The following CAPN5 variants were observed in gnomAD, a reference collection of about 807,000 sequenced individuals.
The protein encoded by CAPN5 is calpain-5.
CAPN5 carries 54 observed loss-of-function variants against 73.0 expected under a neutral mutation model. That is an observed-to-expected ratio of 0.74 (90% CI 0.59 to 0.93). CAPN5 has a LOEUF of 0.93. CAPN5 is among the 40% of genes least tolerant of loss of function. CAPN5 has a pLI of 0.00. For missense variants in CAPN5, 785 were observed against 882.9 expected (o/e 0.89, Z 1.41); for synonymous variants, 335 against 356.9 (o/e 0.94, Z 0.69).
chr11:77,069,552 G>A (rs1949880494), intron 1 of CAPN5, among the ~76,000 whole-genome samples: 1 of 152,150 alleles, frequency 6.6e-6, no homozygotes, highest in Non-Finnish European at 1.5e-5. Context: ...GCAGCCGGGA[G>A]CACCCTAGAG....
chr11:77,092,434 G>A (rs1950157280), intron 2 of CAPN5, among the ~76,000 whole-genome samples: 1 of 152,254 alleles, frequency 6.6e-6, no homozygotes, highest in African/African-American at 2.4e-5. Context: ...ACAGCAAGAA[G>A]AGGTGGAAAG....
At chr11:77,112,413 A>G (rs1950420411) in intron 3 of CAPN5, among the ~76,000 whole-genome samples, 176 bp from the exon 4 acceptor site, 1 of 152,092 alleles carries the variant, frequency 6.6e-6, no homozygotes, top group Non-Finnish European at 1.5e-5. Context: ...TGGGAACCTG[A>G]GCCTGGAGAT....
chr11:77,119,421 G>A (rs1389866006), intron 9 of CAPN5: 2 of 461,766 alleles, frequency 4.3e-6, no homozygotes, highest in Non-Finnish European at 7.9e-6. Flanking sequence ...GGTGGATGAG[G>A]AAGGGGAAGA....
At chr11:77,084,308 G>A (rs1950058547) in intron 1 of CAPN5, among the ~76,000 whole-genome samples, 1 of 152,228 alleles carries the variant, frequency 6.6e-6, no homozygotes. Flanking sequence ...CAGAATTAGA[G>A]ACGCCTATTC....
At chr11:77,093,858 G>A (rs370419841) in intron 3 of CAPN5, 45 bp downstream of exon 3, 56 of 1,592,410 alleles carry the variant, frequency 3.5e-5, no homozygotes, top group Middle Eastern at 1.8e-4. Context: ...GAGTGTGAAC[G>A]CAGCCTGTGG....
intron 3 of CAPN5, among the ~76,000 whole-genome samples, chr11:77,104,411 G>C (rs921709670): frequency 2.0e-5 from 3 of 152,208 alleles, no homozygotes; most frequent in Non-Finnish European, 2.9e-5. Context: ...GCAGCTGAGG[G>C]GGGCAGGGCG....
chr11:77,079,451 G>C (rs1950006115), intron 1 of CAPN5, among the ~76,000 whole-genome samples: 1 of 152,124 alleles, frequency 6.6e-6, no homozygotes, highest in Admixed American at 6.5e-5. Context: ...CCATAGGGTT[G>C]TGTGCAACAA....
chr11:77,121,576 C>T lies in CAPN5; in HGVS notation c.1488-358C>T, dbSNP rs545872685. ...TCCAGCTGTTTGGGCAAGCCCTTCA[C>T]CTGGGTGAGCCTGCTGCTTCCTCAG... On this transcript the variant is annotated intron_variant, in intron 10 of 12. Coordinates refer to ENST00000648180, the MANE Select transcript of CAPN5 (RefSeq NM_004055.5). Among the ~76,000 whole-genome samples the T allele has an allele frequency of 7.9e-5, 12 of 152,372 alleles. No individual in the cohort carries two copies. In the East Asian group the frequency reaches 2.3e-3, roughly 29 times the overall value.
intron 3 of CAPN5, among the ~76,000 whole-genome samples, chr11:77,105,069 G>A (rs925274704): frequency 6.6e-6 from 1 of 151,762 alleles, no homozygotes; most frequent in East Asian, 1.9e-4. Flanking sequence ...CAGTGGCCCT[G>A]CCCTTCTGCT....
intron 3 of CAPN5, among the ~76,000 whole-genome samples, chr11:77,096,145 TG>T (rs1950206487): frequency 2.0e-5 from 3 of 152,078 alleles, no homozygotes; most frequent in African/African-American, 7.2e-5. Context: ...GGAAGGGCAG[TG>T]GGGGGGCTGC....
chr11:77,095,617 C>T (rs1235367288), intron 3 of CAPN5, among the ~76,000 whole-genome samples: 2 of 152,210 alleles, frequency 1.3e-5, no homozygotes, highest in Admixed American at 1.3e-4. Context: ...CTTGCTCCCC[C>T]AGACCTCCCA....
chr11:77,116,796 T>C (rs75870074), intron 7 of CAPN5, among the ~76,000 whole-genome samples: 1,879 of 152,296 alleles, frequency 0.012, 40 homozygotes, highest in African/African-American at 0.042. Context: ...AGGAACTAGC[T>C]TCTAAGCTGA....
intron 3 of CAPN5, among the ~76,000 whole-genome samples, chr11:77,106,318 A>G (rs1950348690): frequency 1.5e-5 from 2 of 133,260 alleles, no homozygotes; most frequent in Non-Finnish European, 3.2e-5. Flanking sequence ...CCCCTCCCCA[A>G]GCTTGCCTTC....
intron 3 of CAPN5, among the ~76,000 whole-genome samples, chr11:77,111,632 C>T (rs548202807): frequency 6.6e-6 from 1 of 152,222 alleles, no homozygotes; most frequent in Admixed American, 6.5e-5. Context: ...TAAACATACT[C>T]TCTGGGTCAG....
intron 2 of CAPN5, among the ~76,000 whole-genome samples, chr11:77,090,729 G>A (rs1349782437): frequency 6.6e-6 from 1 of 152,162 alleles, no homozygotes; most frequent in Non-Finnish European, 1.5e-5. Context: ...GATGTGGCTG[G>A]GGTCCTCCGT....
At chr11:77,109,682 C>T (rs1459390345) in intron 3 of CAPN5, among the ~76,000 whole-genome samples, 4 of 152,196 alleles carry the variant, frequency 2.6e-5, no homozygotes, top group Non-Finnish European at 5.9e-5. Flanking sequence ...TGCTCAGCAT[C>T]CTGGCTGACA....
In CAPN5 at chr11:77,094,002, C is replaced by A. The variant is rs117369287; in HGVS notation, c.297+189C>A. ...ATCCCTCACCCTTCAGCTGGGCACC[C>A]CCAGGGGCAGGTGCTGGGAATCCGT... On this transcript the variant is annotated intron_variant, in intron 3 of 12. Coordinates refer to ENST00000648180, the MANE Select transcript of CAPN5 (RefSeq NM_004055.5). Among the ~76,000 whole-genome samples the A allele has an allele frequency of 6.0e-3, 921 of 152,354 alleles. 4 individuals carry two copies. The highest frequency in any genetic ancestry group is 0.011 in the Non-Finnish European group (725 of 68,038).
At chr11:77,077,566 G>A (rs1949984998) in intron 1 of CAPN5, among the ~76,000 whole-genome samples, 1 of 149,740 alleles carries the variant, frequency 6.7e-6, no homozygotes, top group South Asian at 2.1e-4. Flanking sequence ...TTTCGCTCTT[G>A]TCTCCCAGGC....
intron 3 of CAPN5, among the ~76,000 whole-genome samples, chr11:77,094,058 C>T (rs992848253): frequency 2.0e-5 from 3 of 152,226 alleles, no homozygotes; most frequent in Non-Finnish European, 4.4e-5. Flanking sequence ...GATGTGTCCC[C>T]CCCAACACTG....
Sources: gnomAD v4.1 joint callset for allele counts (sites outside exome capture counted in the v4.1 genomes callset) on GRCh38, gnomAD v4.1.1 for gene constraint, MANE v1.5 for transcripts, NCBI Gene and HGNC (gene_info 2026-07-23, HGNC 2026-07-21) for gene names.